MTMR2: variants seen among roughly 807,000 people sequenced by gnomAD.
MTMR2 encodes myotubularin related protein 2.
Under a neutral mutation model 86.9 loss-of-function variants are expected in MTMR2, and 55 were observed. The observed-to-expected ratio is 0.63, with a 90% CI of 0.51 to 0.79. The LOEUF is 0.79. Ranked by LOEUF, MTMR2 falls within the 30% of genes least tolerant of loss-of-function variation. The probability of loss-of-function intolerance (pLI) is 0.00; values close to 1 mark genes in which losing one functional copy is unlikely to be tolerated. For missense variants in MTMR2, 659 were observed against 772.3 expected, an observed-to-expected ratio of 0.85 and a Z score of 1.74; for synonymous variants, 241 against 266.8, an observed-to-expected ratio of 0.90 and a Z score of 0.94.
chr11:95,893,305 G>A (rs1358162287), intron 1 of MTMR2, among the ~76,000 whole-genome samples: 1 of 151,936 alleles, frequency 6.6e-6, no homozygotes, highest in Non-Finnish European at 1.5e-5. Flanking sequence ...TCACTTCTGG[G>A]AATTACCCTG....
intron 5 of MTMR2, among the ~76,000 whole-genome samples, chr11:95,860,374 G>T (rs1864366675): frequency 6.6e-6 from 1 of 152,104 alleles, no homozygotes; most frequent in South Asian, 2.1e-4. Flanking sequence ...GGTGGCATAT[G>T]CCTGTAATCC....
At chr11:95,843,353 A>G (rs1565347169) in intron 11 of MTMR2, among the ~76,000 whole-genome samples, 1 of 152,212 alleles carries the variant, frequency 6.6e-6, no homozygotes, top group Non-Finnish European at 1.5e-5. Context: ...CCAAATAACC[A>G]ATATGTGATG....
chr11:95,902,325 G>C (rs1043746377), intron 1 of MTMR2, among the ~76,000 whole-genome samples: 8 of 152,186 alleles, frequency 5.3e-5, no homozygotes, highest in Admixed American at 3.3e-4. Flanking sequence ...CTCTGAGGAA[G>C]TAAGACTGTC....
chr11:95,865,524 C>T lies in MTMR2; in HGVS notation c.262+77G>A. On this transcript the variant is annotated intron_variant, in intron 3 of 14. Coordinates refer to ENST00000346299, the MANE Select transcript of MTMR2 (RefSeq NM_016156.6). The stretch of plus-strand genomic sequence containing the variant: ...AGGTGTCTCTGACAGCCAGTTTATT[C>T]TCTGTATGCTGAGAGTACTGAACAT... The T allele has an allele frequency of 2.2e-6, 3 of 1,339,366 alleles. No individual in the cohort carries two copies. The South Asian group carries it at 3.5e-5, about 16-fold the overall frequency. The allele number at this position is 1,339,366 out of a possible 1,614,324, so 83.0% of individuals were successfully genotyped here. A position where few individuals can be genotyped will look rare whatever the true frequency, so the allele number is the denominator to read the frequency against.
rs377452665 is a variant in MTMR2 at position 95,845,062 on chromosome 11, T to A, written c.1277A>T (p.Gln426Leu). The change falls in exon 11 of 15, where the codon CAG becomes CTG. Residue 426 changes from glutamine (Q) to leucine (L), a missense_variant. By Grantham distance (113) the Gln-to-Leu change is moderately radical. Around this residue, in one of 3 missense-constraint regions of MTMR2, gnomAD observed 387 missense variants for 526.3 expected, o/e 0.74. Transcript: ENST00000346299. ...HCSDGWDRTA[Q>L]LTSLAMLMLD... ...CATGAGCATGGCAAGGGAAGTGAGC[T>A]GAGCTGTGCGATCCCAACCATCACT... 3 of 1,613,584 alleles carry A rather than the reference T, an allele frequency of 1.9e-6. No homozygotes were observed. In the African/African-American group the frequency reaches 4.0e-5, roughly 22 times the overall value.
Position 95,850,729 on chromosome 11 carries a change from C to T in MTMR2, c.675G>A (p.Trp225Ter). 1 of 1,613,914 alleles carries T rather than the reference C, an allele frequency of 6.2e-7. No individual in the cohort carries two copies. ...YRRQGIPNES[W>*]RITKINERYE... ...ATCGTTCATTTATCTTTGTTATTCTCCAGCTTTCATTTGGAATTCCCTACA... is the reference window on the plus strand; with the variant it reads ...ATCGTTCATTTATCTTTGTTATTCTTCAGCTTTCATTTGGAATTCCCTACA... Residue 225 changes from tryptophan to a stop codon, truncating the protein, a stop_gained, in exon 8 of 15, where the codon TGG becomes TGA. Coordinates refer to ENST00000346299, the MANE Select transcript of MTMR2 (RefSeq NM_016156.6). LOFTEE classifies it high-confidence loss of function.
intron 2 of MTMR2, among the ~76,000 whole-genome samples, chr11:95,877,672 A>G (rs1865173932): frequency 6.6e-6 from 1 of 152,116 alleles, no homozygotes; most frequent in Non-Finnish European, 1.5e-5. Context: ...TGGTATCCTC[A>G]CAAGAAGACA....
intron 2 of MTMR2, among the ~76,000 whole-genome samples, chr11:95,876,788 A>T (rs1430106787): frequency 1.3e-5 from 2 of 152,004 alleles, no homozygotes; most frequent in African/African-American, 4.8e-5. Flanking sequence ...ATGTGACTTT[A>T]ACTTCTTTTT....
At chr11:95,891,855 GGA>G (rs1865727166) in intron 1 of MTMR2, among the ~76,000 whole-genome samples, 1 of 151,792 alleles carries the variant, frequency 6.6e-6, no homozygotes, top group Non-Finnish European at 1.5e-5. Flanking sequence ...AGAGAGGGAG[GGA>G]GAGAGAGTGC....
chr11:95,877,332 CTT>C (rs764782930), intron 2 of MTMR2, among the ~76,000 whole-genome samples: 17 of 106,302 alleles, frequency 1.6e-4, no homozygotes, highest in East Asian at 2.9e-4. Flanking sequence ...CAGGGAAGCC[CTT>C]TTTTTTTTTT....
intron 1 of MTMR2, among the ~76,000 whole-genome samples, chr11:95,903,810 T>C (rs1866159134): frequency 6.6e-6 from 1 of 152,154 alleles, no homozygotes; most frequent in Non-Finnish European, 1.5e-5. Flanking sequence ...ATCATCCATA[T>C]TGCCATTAAA....
At chr11:95,843,212 G>A (rs1350782036) in intron 11 of MTMR2, among the ~76,000 whole-genome samples, 4 of 152,066 alleles carry the variant, frequency 2.6e-5, no homozygotes, top group African/African-American at 9.7e-5. Context: ...CCACCATAAT[G>A]AGCTTAAAAA....
At chr11:95,864,351 C>G (rs1864530833) in intron 3 of MTMR2, among the ~76,000 whole-genome samples, 1 of 152,060 alleles carries the variant, frequency 6.6e-6, no homozygotes, top group South Asian at 2.1e-4. Flanking sequence ...ACAAATGAGA[C>G]TGAGTGGTAA....
At chr11:95,863,216 G>C (rs1338683350) in intron 3 of MTMR2, among the ~76,000 whole-genome samples, 1 of 152,124 alleles carries the variant, frequency 6.6e-6, no homozygotes, top group Admixed American at 6.5e-5. Context: ...ATCATTCCAA[G>C]GAAGTAAGGG....
intron 1 of MTMR2, chr11:95,914,451 T>C: frequency 1.3e-6 from 1 of 748,948 alleles, no homozygotes. Context: ...ATACTTTACA[T>C]GATCTTCAAA....
intron 9 of MTMR2, 91 bp downstream of exon 9, chr11:95,849,583 T>G (rs926199831): frequency 1.7e-6 from 2 of 1,155,148 alleles, no homozygotes; most frequent in East Asian, 4.7e-5. Context: ...TTTACCACTG[T>G]AGAGCCTGAG....
chr11:95,919,925 A>G (rs1866852671), intron 1 of MTMR2, among the ~76,000 whole-genome samples: 1 of 152,218 alleles, frequency 6.6e-6, no homozygotes, highest in Non-Finnish European at 1.5e-5. Flanking sequence ...AGTGCATTTT[A>G]TAATAGTGTA....
chr11:95,888,488 T>A (rs1865592959), intron 1 of MTMR2, among the ~76,000 whole-genome samples: 1 of 152,216 alleles, frequency 6.6e-6, no homozygotes, highest in Non-Finnish European at 1.5e-5. Flanking sequence ...CCAATACTCA[T>A]GAAGACACTC....
intron 7 of MTMR2, among the ~76,000 whole-genome samples, chr11:95,855,644 C>T (rs1441049500): frequency 1.3e-5 from 2 of 151,716 alleles, no homozygotes; most frequent in Non-Finnish European, 2.9e-5. Flanking sequence ...TTTTTAGTGG[C>T]AGCACATGAT....
Sources: allele counts gnomAD v4.1 joint callset (sites outside exome capture counted in the v4.1 genomes callset), GRCh38; gene constraint gnomAD v4.1.1; regional missense constraint gnomAD v4.1.1; transcripts MANE v1.5; gene names NCBI Gene and HGNC (gene_info 2026-07-23, HGNC 2026-07-21).